The following RBM6 variants were observed in gnomAD, a reference collection of about 807,000 sequenced individuals.
The protein encoded by RBM6 is RNA-binding protein 6.
Under a neutral mutation model 140.4 loss-of-function variants are expected in RBM6, and 23 were observed. The observed-to-expected ratio is 0.16, with a 90% CI of 0.12 to 0.23. RBM6 has a LOEUF of 0.23. RBM6 is among the 10% of genes least tolerant of loss of function. The pLI is 1.00. For missense variants in RBM6, 1,139 were observed against 1,386.7 expected, an observed-to-expected ratio of 0.82 and a Z score of 2.84; for synonymous variants, 439 against 475.6, an observed-to-expected ratio of 0.92 and a Z score of 1.00.
At chr3:49,974,033 G>A (rs2084937314) in intron 4 of RBM6, among the ~76,000 whole-genome samples, 3 of 152,010 alleles carry the variant, frequency 2.0e-5, no homozygotes, top group Admixed American at 6.6e-5. Flanking sequence ...GAGTAGCTGG[G>A]ACTACAGGCA....
At chr3:50,076,193 T>C (rs1293472676) in intron 20 of RBM6, among the ~76,000 whole-genome samples, 6 of 151,276 alleles carry the variant, frequency 4.0e-5, no homozygotes, top group Admixed American at 3.9e-4. Context: ...GGTCTCGAAC[T>C]CCTGGCCTCA....
In RBM6 at chr3:49,967,945, G is replaced by A. The variant is rs749573789; in HGVS notation, c.520G>A (p.Asp174Asn). 1.9e-6 allele frequency: 3 copies of A among 1,614,180 alleles called. No homozygotes were observed. The Admixed American group carries it at 5.0e-5, about 27-fold the overall frequency. Residue 174 changes from aspartate (D) to asparagine (N), a missense_variant, in exon 3 of 21, where the codon GAC (aspartate) becomes AAC (asparagine). Coordinates refer to ENST00000266022, the MANE Select transcript of RBM6 (RefSeq NM_005777.3). The surrounding 1 kb of genome is among the most constrained non-coding windows in gnomAD (Gnocchi z 4.0). ...DFRGRDAPPS[D>N]FRGRGTYDLD... Reference sequence around the variant, plus strand: ...CAGAGGTAGGGATGCTCCTCCATCTGACTTCAGGGGCCGGGGCACTTATGA... The same window carrying A: ...CAGAGGTAGGGATGCTCCTCCATCTAACTTCAGGGGCCGGGGCACTTATGA...
chr3:50,026,901 CAAAAAAA>C (rs139771207), intron 6 of RBM6, among the ~76,000 whole-genome samples: 3 of 119,550 alleles, frequency 2.5e-5, no homozygotes, highest in African/African-American at 7.3e-5. Context: ...CTTGTCTCAC[CAAAAAAA>C]AAAAAAAAAA....
intron 6 of RBM6, among the ~76,000 whole-genome samples, chr3:50,024,744 G>C (rs1455300032): frequency 1.3e-5 from 2 of 151,946 alleles, no homozygotes; most frequent in East Asian, 3.9e-4. Flanking sequence ...ACGAGGTCAG[G>C]AGATCAAGAC....
intron 6 of RBM6, among the ~76,000 whole-genome samples, chr3:50,027,533 C>T (rs1254359068): frequency 2.0e-5 from 3 of 152,134 alleles, no homozygotes; most frequent in Admixed American, 6.6e-5. Flanking sequence ...ATCTGCTAGT[C>T]GGCTTTCTGT....
intron 5 of RBM6, among the ~76,000 whole-genome samples, chr3:49,988,626 A>T (rs940514051): frequency 5.3e-5 from 8 of 152,186 alleles, no homozygotes; most frequent in Non-Finnish European, 1.2e-4. Flanking sequence ...ATGCCCACAG[A>T]TGCTTTTGCA....
intron 1 of RBM6, among the ~76,000 whole-genome samples, chr3:49,951,804 C>T (rs1251475541): frequency 6.6e-6 from 1 of 151,964 alleles, no homozygotes; most frequent in Non-Finnish European, 1.5e-5. Context: ...CTCACTGCAA[C>T]CTCCATCTCC....
intron 6 of RBM6, among the ~76,000 whole-genome samples, chr3:50,030,063 C>T (rs967107933): frequency 2.0e-5 from 3 of 151,634 alleles, no homozygotes; most frequent in Admixed American, 6.6e-5. Context: ...CCCAGGAGTT[C>T]GAGACCAGCC....
chr3:50,058,637 G>A (rs1159148218), intron 10 of RBM6, 75 bp downstream of exon 10: 26 of 1,456,176 alleles, frequency 1.8e-5, no homozygotes, highest in East Asian at 2.3e-5. Flanking sequence ...ACTGGGGGCC[G>A]GGCCTGGTGG....
At chr3:50,067,186 CAAAAAAAA>C (rs751552449) in intron 17 of RBM6, among the ~76,000 whole-genome samples, 3 of 19,576 alleles carry the variant, frequency 1.5e-4, no homozygotes, top group South Asian at 3.5e-3. Context: ...GACTCTATCT[CAAAAAAAA>C]AAAAAAAAAA....
intron 1 of RBM6, among the ~76,000 whole-genome samples, chr3:49,946,236 A>G (rs76662134): frequency 0.022 from 3,268 of 150,484 alleles, 140 homozygotes; most frequent in African/African-American, 0.076. Context: ...AACACTTGTT[A>G]TTTTCTTTCT....
intron 6 of RBM6, among the ~76,000 whole-genome samples, chr3:50,000,533 G>A (rs1194959044): frequency 1.3e-5 from 2 of 151,358 alleles, no homozygotes; most frequent in South Asian, 4.2e-4. Context: ...CGATTCTCCT[G>A]TCTCAGCCCC....
chr3:50,070,111 C>A (rs1383693576), intron 18 of RBM6, among the ~76,000 whole-genome samples: 1 of 152,128 alleles, frequency 6.6e-6, no homozygotes, highest in African/African-American at 2.4e-5. Flanking sequence ...AATCCCAGCA[C>A]TTTGGGAGGC....
intron 2 of RBM6, among the ~76,000 whole-genome samples, chr3:49,964,426 A>G (rs960701093): frequency 1.3e-5 from 2 of 152,156 alleles, no homozygotes; most frequent in African/African-American, 2.4e-5. Context: ...TTTTCTTTCA[A>G]AATACTAAGG....
chr3:50,002,950 A>G (rs2086408489), intron 6 of RBM6, among the ~76,000 whole-genome samples: 1 of 151,934 alleles, frequency 6.6e-6, no homozygotes. Context: ...CCCCGTCTCT[A>G]CTAAAATACA....
At chr3:49,996,866 T>TAA (rs1485381167) in intron 5 of RBM6, among the ~76,000 whole-genome samples, 1 of 152,178 alleles carries the variant, frequency 6.6e-6, no homozygotes, top group Non-Finnish European at 1.5e-5. Flanking sequence ...GTGTAGTGGT[T>TAA]AAAAACATCA....
intron 6 of RBM6, among the ~76,000 whole-genome samples, chr3:50,023,610 T>C (rs2087633287): frequency 6.6e-6 from 1 of 151,806 alleles, no homozygotes. Context: ...TAATAATTGC[T>C]GTGATTACTC....
At chr3:50,043,572 A>G (rs2089051218) in intron 6 of RBM6, among the ~76,000 whole-genome samples, 1 of 149,938 alleles carries the variant, frequency 6.7e-6, no homozygotes, top group Non-Finnish European at 1.5e-5. Context: ...ATGTACACAC[A>G]TATATATATA....
At chr3:50,029,682 G>A (rs993920348) in intron 6 of RBM6, among the ~76,000 whole-genome samples, 7 of 151,984 alleles carry the variant, frequency 4.6e-5, no homozygotes, top group Admixed American at 1.3e-4. Flanking sequence ...GCAGTGAGCC[G>A]AGATCGTGCC....
Sources: allele counts gnomAD v4.1 joint callset (sites outside exome capture counted in the v4.1 genomes callset), GRCh38; gene constraint gnomAD v4.1.1; non-coding constraint Gnocchi (gnomAD v3.1); transcripts MANE v1.5; gene names NCBI Gene and HGNC (gene_info 2026-07-23, HGNC 2026-07-21).